RICTOR: variants seen among roughly 807,000 people sequenced by gnomAD.
The protein encoded by RICTOR is rapamycin-insensitive companion of mTOR.
A neutral mutation model predicts 214.9 loss-of-function variants in RICTOR; 49 were observed. The ratio of observed to expected loss-of-function variants is 0.23; its 90% confidence interval spans 0.18 to 0.29. The LOEUF is 0.29. Ranked by LOEUF, RICTOR falls within the 10% of genes least tolerant of loss-of-function variation. The pLI, the probability that RICTOR is intolerant of heterozygous loss-of-function variation, is 1.00. For synonymous variants in RICTOR, 717 were observed against 711.3 expected, an observed-to-expected ratio of 1.01 and a Z score of -0.13; for missense variants, 1,625 against 2,047.0, an observed-to-expected ratio of 0.79 and a Z score of 3.98.
chr5:38,999,816 A>C (rs1753478744), intron 5 of RICTOR, among the ~76,000 whole-genome samples: 4 of 152,010 alleles, frequency 2.6e-5, no homozygotes, highest in Admixed American at 2.0e-4. Context: ...TAAATACTCC[A>C]ATAAGAAGAC....
rs199775440 is a variant in RICTOR at position 38,978,337 on chromosome 5, ATGAC to A, written c.821+242_821+245del. On this transcript the variant is annotated intron_variant, in intron 9 of 37. Coordinates refer to ENST00000357387, the MANE Select transcript of RICTOR (RefSeq NM_152756.5). ...CTAAAATATATACATTACAAAAACA[ATGAC>A]CTTGGTTTCTGTCACAGTCTACCAT... Among the ~76,000 whole-genome samples, 720 of 152,296 alleles carry A rather than the reference ATGAC, an allele frequency of 4.7e-3. 10 individuals are homozygous for A. Among genetic ancestry groups the A allele is most frequent in the African/African-American group, 0.017 (694 of 41,572 alleles).
chr5:38,992,632 C>T (rs963951365), intron 6 of RICTOR, among the ~76,000 whole-genome samples: 2 of 152,194 alleles, frequency 1.3e-5, no homozygotes, highest in African/African-American at 4.8e-5. Context: ...TAAACATATA[C>T]TTAATTCACC....
intron 11 of RICTOR, chr5:38,970,501 C>T (rs1435310247): frequency 6.6e-6 from 1 of 152,178 alleles, no homozygotes; most frequent in African/African-American, 2.4e-5. Flanking sequence ...AAGTTTGTTA[C>T]CTGCTTACAG....
chr5:39,050,783 G>C (rs1394149710), intron 2 of RICTOR, among the ~76,000 whole-genome samples: 2 of 152,122 alleles, frequency 1.3e-5, no homozygotes, highest in African/African-American at 4.8e-5. Flanking sequence ...ACCCATGAGG[G>C]AAGTGGGAGA....
At chr5:38,946,280 A>G (rs1417246490) in intron 33 of RICTOR, among the ~76,000 whole-genome samples, 188 bp downstream of exon 33, 1 of 152,220 alleles carries the variant, frequency 6.6e-6, no homozygotes, top group Admixed American at 6.5e-5. Context: ...AACACTGTTA[A>G]GTCCCTCACA....
At chr5:38,983,836 G>A (rs1312923710) in intron 7 of RICTOR, among the ~76,000 whole-genome samples, 2 of 151,902 alleles carry the variant, frequency 1.3e-5, no homozygotes, top group African/African-American at 2.4e-5. Flanking sequence ...ATGGTGGTGC[G>A]TGCCTGTAGT....
intron 2 of RICTOR, among the ~76,000 whole-genome samples, chr5:39,040,415 A>G (rs1218410248): frequency 6.6e-6 from 1 of 152,158 alleles, no homozygotes; most frequent in Non-Finnish European, 1.5e-5. Flanking sequence ...ATGTGTACAT[A>G]TGTAACAAAC....
At chr5:39,061,312 T>G (rs973205824) in intron 2 of RICTOR, among the ~76,000 whole-genome samples, 2 of 152,118 alleles carry the variant, frequency 1.3e-5, no homozygotes, top group African/African-American at 2.4e-5. Context: ...TTAGATTTTT[T>G]GCTAATTCAA....
intron 2 of RICTOR, among the ~76,000 whole-genome samples, chr5:39,033,525 G>C (rs1481761465): frequency 6.6e-6 from 1 of 152,116 alleles, no homozygotes; most frequent in Admixed American, 6.5e-5. Context: ...GCCTCCCAAA[G>C]TGCTGGGATT....
intron 26 of RICTOR, among the ~76,000 whole-genome samples, 172 bp downstream of exon 26, chr5:38,955,423 G>A (rs541529724): frequency 2.2e-4 from 33 of 152,108 alleles, no homozygotes; most frequent in African/African-American, 7.0e-4. Context: ...ATGTGAATGC[G>A]TTATCAGTAA....
At chr5:39,074,294 C>A in intron 1 of RICTOR, 35 bp downstream of exon 1, 1 of 1,545,174 alleles carries the variant, frequency 6.5e-7, no homozygotes, top group East Asian at 2.5e-5. Context: ...TGGCGGGCGC[C>A]GGGCGGTGGG....
chr5:39,035,616 G>A (rs1756624977), intron 2 of RICTOR, among the ~76,000 whole-genome samples: 2 of 152,172 alleles, frequency 1.3e-5, no homozygotes. Flanking sequence ...CCAAAGCAGA[G>A]AAGTCCTTAA....
intron 2 of RICTOR, among the ~76,000 whole-genome samples, chr5:39,045,282 A>C (rs2150176869): frequency 6.6e-6 from 1 of 152,312 alleles, no homozygotes; most frequent in Middle Eastern, 3.4e-3. Flanking sequence ...TTTTCATAAC[A>C]TTTTAATGTT....
At position 39,019,983 on chromosome 5, in the gene RICTOR, T is replaced by C. The variant is rs547535682; in HGVS notation, c.195+1056A>G. ...GTTTATTCCAATACTCATGGATGAC[T>C]TTGAGGCGTTCAAGGTGTCAGTGGA... is the stretch of plus-strand genomic sequence containing the variant. On this transcript the variant is annotated intron_variant, in intron 3 of 37. Coordinates refer to ENST00000357387, the MANE Select transcript of RICTOR (RefSeq NM_152756.5). Among the ~76,000 whole-genome samples the C allele has an allele frequency of 4.6e-5, 7 of 152,286 alleles. No individual in the cohort carries two copies. The East Asian group carries it at 1.3e-3, about 29-fold the overall frequency.
At chr5:39,046,392 A>G (rs901046360) in intron 2 of RICTOR, among the ~76,000 whole-genome samples, 1 of 150,346 alleles carries the variant, frequency 6.7e-6, no homozygotes, top group Non-Finnish European at 1.5e-5. Flanking sequence ...AAAAAAAAAG[A>G]AGAAGAATAA....
At position 38,941,973 on chromosome 5, in the gene RICTOR, G is replaced by A; in HGVS notation, c.*331C>T. On this transcript the variant is annotated 3_prime_UTR_variant, in exon 38 of 38. Transcript: ENST00000357387. ...GGGTGCTTCTGCATATCCCATTATT[G>A]TTCCACTGTCATTATGCTTTTAAAA... 1 of 250,618 alleles carries A rather than the reference G, an allele frequency of 4.0e-6. No individual in the cohort carries two copies. Among genetic ancestry groups the A allele is most frequent in the Non-Finnish European group, 7.7e-6 (1 of 130,176 alleles). The allele number at this position is 250,618 out of a possible 1,614,324, so 15.5% of individuals were successfully genotyped here.
At chr5:39,063,410 T>C (rs1001703115) in intron 2 of RICTOR, among the ~76,000 whole-genome samples, 4 of 152,182 alleles carry the variant, frequency 2.6e-5, no homozygotes, top group Non-Finnish European at 5.9e-5. Flanking sequence ...TACTAAATAA[T>C]GTACCAGGAA....
At chr5:39,026,271 A>T (rs1271242604) in intron 2 of RICTOR, among the ~76,000 whole-genome samples, 1 of 152,148 alleles carries the variant, frequency 6.6e-6, no homozygotes, top group African/African-American at 2.4e-5. Context: ...TGAGCCCAGG[A>T]GGTTAAGGCT....
intron 2 of RICTOR, among the ~76,000 whole-genome samples, chr5:39,037,386 C>T (rs1756801238): frequency 6.6e-6 from 1 of 151,426 alleles, no homozygotes; most frequent in South Asian, 2.1e-4. Flanking sequence ...AAATTGACAC[C>T]CTAACATCAC....
Sources: allele counts gnomAD v4.1 joint callset (sites outside exome capture counted in the v4.1 genomes callset), GRCh38; gene constraint gnomAD v4.1.1; transcripts MANE v1.5; gene names NCBI Gene and HGNC (gene_info 2026-07-23, HGNC 2026-07-21).